The following DAB1 variants were observed in gnomAD, a reference collection of about 807,000 sequenced individuals.
The protein encoded by DAB1 is DAB adaptor protein 1.
DAB1 carries 15 observed loss-of-function variants against 64.6 expected under a neutral mutation model. That is an observed-to-expected ratio of 0.23 (90% CI 0.16 to 0.36). The LOEUF (loss-of-function observed/expected upper bound fraction) is 0.36, where lower values mean the gene tolerates loss of function less well. DAB1 is among the 10% of genes least tolerant of loss of function. DAB1 has a pLI of 1.00. For missense variants in DAB1, 596 were observed against 706.7 expected (o/e 0.84, Z 1.78); for synonymous variants, 235 against 251.9 (o/e 0.93, Z 0.64).
chr1:58,087,667 T>C (rs887519581), intron 5 of DAB1, among the ~76,000 whole-genome samples: 3 of 152,126 alleles, frequency 2.0e-5, no homozygotes, highest in African/African-American at 7.2e-5. Flanking sequence ...CATGGCAGAA[T>C]AGGAAGTTTG....
At chr1:57,066,889 A>G (rs1299430566) in intron 8 of DAB1, among the ~76,000 whole-genome samples, 2 of 152,302 alleles carry the variant, frequency 1.3e-5, no homozygotes, top group East Asian at 3.9e-4. Context: ...GGTCTCCAGG[A>G]CTGTCTGCCT....
In DAB1 at chr1:57,554,015, G is replaced by C. The variant is rs1644958397; in HGVS notation, n.625+95577C>G. 3.3e-5 allele frequency among the ~76,000 whole-genome samples: 5 copies of C among 152,270 alleles called. No homozygotes were observed. The South Asian group carries it at 1.0e-3, about 32-fold the overall frequency. On this transcript the variant is annotated intron_variant and non_coding_transcript_variant, in intron 7 of 20. Transcript: ENST00000485760. ...GGAAGTTGTATCTGCTGCGTTTTGA[G>C]GATGAGAGAGACCTAAGCAGGCTTA...
At chr1:57,473,050 T>A (rs1303202114) in intron 7 of DAB1, among the ~76,000 whole-genome samples, 1 of 152,200 alleles carries the variant, frequency 6.6e-6, no homozygotes. Flanking sequence ...AAGATCAAAA[T>A]TCTTTATATT....
At chr1:58,267,261 A>T (rs555950467) in intron 4 of DAB1, among the ~76,000 whole-genome samples, 24 of 152,284 alleles carry the variant, frequency 1.6e-4, no homozygotes, top group African/African-American at 5.1e-4. Context: ...TATAAGTAGA[A>T]AAAAATGTAT....
chr1:58,394,407 C>G (rs1183685237), intron 3 of DAB1, among the ~76,000 whole-genome samples: 2 of 152,106 alleles, frequency 1.3e-5, no homozygotes, highest in Non-Finnish European at 2.9e-5. Context: ...AAAACAAAAC[C>G]TGTACATGAG....
intron 1 of DAB1, among the ~76,000 whole-genome samples, chr1:57,847,218 AT>A (rs1653327584): frequency 6.6e-6 from 1 of 151,938 alleles, no homozygotes; most frequent in Non-Finnish European, 1.5e-5. Flanking sequence ...CTCAGGGATG[AT>A]TTTTTTAGTT....
At chr1:57,804,606 C>T (rs1651278908) in intron 6 of DAB1, among the ~76,000 whole-genome samples, 1 of 152,222 alleles carries the variant, frequency 6.6e-6, no homozygotes, top group African/African-American at 2.4e-5. Context: ...TTATGTCTGG[C>T]TCCACTATTA....
At chr1:57,061,257 G>A (rs1650372028) in intron 9 of DAB1, among the ~76,000 whole-genome samples, 3 of 150,428 alleles carry the variant, frequency 2.0e-5, no homozygotes, top group African/African-American at 7.4e-5. Context: ...CAAGATCCTG[G>A]AAGAGTGGGT....
intron 3 of DAB1, among the ~76,000 whole-genome samples, chr1:58,454,432 C>T (rs889362777): frequency 6.6e-6 from 1 of 152,082 alleles, no homozygotes; most frequent in African/African-American, 2.4e-5. Flanking sequence ...CCTCCTAGAG[C>T]CAGACGCTTG....
chr1:57,889,894 T>TGC (rs1644280930), intron 5 of DAB1, among the ~76,000 whole-genome samples: 2 of 8,018 alleles, frequency 2.5e-4, no homozygotes, highest in African/African-American at 1.0e-3. Context: ...TAGCACAAAC[T>TGC]GGGGCGGGGG....
chr1:57,048,544 G>A (rs1036638834), intron 9 of DAB1, among the ~76,000 whole-genome samples: 13 of 152,182 alleles, frequency 8.5e-5, no homozygotes, highest in African/African-American at 1.7e-4. Flanking sequence ...AAACGTCCTC[G>A]TCTGTCCTCT....
intron 3 of DAB1, among the ~76,000 whole-genome samples, chr1:58,489,251 GC>G (rs959693285): frequency 8.5e-5 from 13 of 152,182 alleles, no homozygotes; most frequent in African/African-American, 2.7e-4. Context: ...CCCTAATACT[GC>G]AATTTTCCGA....
At chr1:57,321,864 T>C (rs918167746) in intron 1 of DAB1, among the ~76,000 whole-genome samples, 9 of 121,530 alleles carry the variant, frequency 7.4e-5, no homozygotes, top group Non-Finnish European at 1.7e-4. Flanking sequence ...ATCCACCAAA[T>C]GCATGACTCT....
intron 1 of DAB1, among the ~76,000 whole-genome samples, chr1:57,346,301 A>C (rs1678091571): frequency 1.3e-5 from 2 of 152,238 alleles, no homozygotes; most frequent in African/African-American, 4.8e-5. Flanking sequence ...TTCGTAGGTC[A>C]GAGCTTACAA....
At chr1:58,039,035 C>A (rs180835609) in intron 5 of DAB1, among the ~76,000 whole-genome samples, 1 of 152,118 alleles carries the variant, frequency 6.6e-6, no homozygotes, top group African/African-American at 2.4e-5. Flanking sequence ...CCCCACTAAG[C>A]CCCGACTCTG....
At chr1:58,487,831 G>A (rs1244851452) in intron 3 of DAB1, among the ~76,000 whole-genome samples, 1 of 151,046 alleles carries the variant, frequency 6.6e-6, no homozygotes, top group African/African-American at 2.4e-5. Context: ...ATTTTGACCT[G>A]AGCTATTAAT....
chr1:57,060,061 G>A (rs1650218888), intron 9 of DAB1, among the ~76,000 whole-genome samples: 1 of 151,506 alleles, frequency 6.6e-6, no homozygotes, highest in Non-Finnish European at 1.5e-5. Context: ...AGAAATATGG[G>A]GACTTTCTTA....
chr1:57,617,920 C>T (rs1380057302), intron 7 of DAB1, among the ~76,000 whole-genome samples: 1 of 152,158 alleles, frequency 6.6e-6, no homozygotes, highest in Non-Finnish European at 1.5e-5. Flanking sequence ...TCCACACTTA[C>T]ATAACTTCTC....
intron 7 of DAB1, among the ~76,000 whole-genome samples, chr1:57,432,014 C>G (rs1685535286): frequency 6.6e-6 from 1 of 151,552 alleles, no homozygotes; most frequent in Middle Eastern, 3.2e-3. Context: ...CCCAGCTACT[C>G]AGGATGCTGA....
Sources: allele counts gnomAD v4.1 joint callset (sites outside exome capture counted in the v4.1 genomes callset), GRCh38; gene constraint gnomAD v4.1.1; transcripts MANE v1.5; gene names NCBI Gene and HGNC (gene_info 2026-07-23, HGNC 2026-07-21).